The following FRMD3 variants were observed in gnomAD, a reference collection of about 807,000 sequenced individuals.
The protein encoded by FRMD3 is FERM domain containing 3.
Under a neutral mutation model 70.2 loss-of-function variants are expected in FRMD3, and 33 were observed. That is an observed-to-expected ratio of 0.47 (90% CI 0.36 to 0.63). The LOEUF is 0.63. Ranked by LOEUF, FRMD3 falls within the 20% of genes least tolerant of loss-of-function variation. The probability of loss-of-function intolerance (pLI) is 0.00; values close to 1 mark genes in which losing one functional copy is unlikely to be tolerated. For synonymous variants in FRMD3, 279 were observed against 255.9 expected (o/e 1.09, Z -0.86); for missense variants, 632 against 711.4 (o/e 0.89, Z 1.27).
At chr9:83,487,919 C>T (rs1828723401) in intron 1 of FRMD3, among the ~76,000 whole-genome samples, 1 of 152,170 alleles carries the variant, frequency 6.6e-6, no homozygotes, top group African/African-American at 2.4e-5. Context: ...CATAAGTTAA[C>T]TGTTCATCAC....
downstream of FRMD3, chr9:83,243,333 AG>A (rs2118423205): frequency 9.7e-7 from 1 of 1,032,744 alleles, no homozygotes. Context: ...AGTGGCCCAG[AG>A]GGACTCAAGC....
intron 6 of FRMD3, among the ~76,000 whole-genome samples, chr9:83,323,235 G>A (rs187991059): frequency 2.0e-5 from 3 of 152,280 alleles, no homozygotes; most frequent in Admixed American, 2.0e-4. Flanking sequence ...AATTTTCATA[G>A]TAGTGTTATT....
intron 6 of FRMD3, among the ~76,000 whole-genome samples, chr9:83,333,629 C>T (rs749629188): frequency 2.6e-5 from 4 of 152,186 alleles, no homozygotes; most frequent in African/African-American, 7.2e-5. Context: ...AGGTCCTTCC[C>T]GTTTCTTGTC....
chr9:83,411,021 A>C (rs1826263961), intron 1 of FRMD3, among the ~76,000 whole-genome samples: 1 of 152,190 alleles, frequency 6.6e-6, no homozygotes, highest in Admixed American at 6.5e-5. Context: ...TCTGAATGAC[A>C]GAGTTCCTTC....
At chr9:83,355,314 C>T (rs1824301045) in intron 3 of FRMD3, among the ~76,000 whole-genome samples, 1 of 152,206 alleles carries the variant, frequency 6.6e-6, no homozygotes, top group Non-Finnish European at 1.5e-5. Context: ...AAACCCACAG[C>T]CTGTATTGGA....
intron 1 of FRMD3, among the ~76,000 whole-genome samples, chr9:83,525,369 ATTG>A (rs1829663219): frequency 6.6e-6 from 1 of 152,188 alleles, no homozygotes; most frequent in Admixed American, 6.5e-5. Context: ...ATATTAGATT[ATTG>A]TTGTTTGAGC....
At chr9:83,321,932 C>A (rs1835817823) in intron 6 of FRMD3, among the ~76,000 whole-genome samples, 1 of 152,174 alleles carries the variant, frequency 6.6e-6, no homozygotes, top group Non-Finnish European at 1.5e-5. Flanking sequence ...TATCTCACAG[C>A]AGCCCCTAGC....
chr9:83,550,632 T>C, the FRMD3 span, among the ~76,000 whole-genome samples: 4 of 152,002 alleles, frequency 2.6e-5, no homozygotes, highest in South Asian at 6.2e-4. Context: ...GAGCAGTGTT[T>C]TGTAATTCTC....
intron 1 of FRMD3, among the ~76,000 whole-genome samples, chr9:83,453,961 T>A (rs1827743760): frequency 6.6e-6 from 1 of 152,096 alleles, no homozygotes. Flanking sequence ...GTGATCCATC[T>A]GCCTCGGCCT....
Position 83,537,520 on chromosome 9 carries a change from G to A in FRMD3, c.147+565C>T, listed in dbSNP as rs969038114. On this transcript the variant is annotated intron_variant, in intron 1 of 13. Transcript: ENST00000304195. The surrounding 1 kb of genome is among the most constrained non-coding windows in gnomAD (Gnocchi z 4.1). ...GGCAGCCCGGCCTCTCTCACTCTGGGGAAACTTCGCCACCGCCCCACGCGG... is the reference window on the plus strand; with the variant it reads ...GGCAGCCCGGCCTCTCTCACTCTGGAGAAACTTCGCCACCGCCCCACGCGG... Among the ~76,000 whole-genome samples the A allele has an allele frequency of 4.6e-5, 7 of 152,204 alleles. No individual in the cohort carries two copies. The highest frequency in any genetic ancestry group is 1.7e-4 in the African/African-American group (7 of 41,454).
intron 1 of FRMD3, among the ~76,000 whole-genome samples, chr9:83,529,002 A>G (rs1171671784): frequency 6.6e-6 from 1 of 152,260 alleles, no homozygotes; most frequent in East Asian, 1.9e-4. Context: ...AAAAATAGCT[A>G]TATTGTACAA....
chr9:83,552,345 T>A, the FRMD3 span, among the ~76,000 whole-genome samples: 3 of 152,208 alleles, frequency 2.0e-5, no homozygotes, highest in East Asian at 3.8e-4. Context: ...GTGTGTTTGG[T>A]ATAATTTTGG....
rs1824398875 is a variant in FRMD3 at position 83,357,241 on chromosome 9, ACATACATATATATATATAT to A, written c.296-7503_296-7485del. 2.0e-3 allele frequency among the ~76,000 whole-genome samples: 14 copies of A among 7,070 alleles called. 1 individual carries two copies. Among genetic ancestry groups the A allele is most frequent in the East Asian group, 6.9e-3 (2 of 290 alleles). The allele number at this position is 7,070 out of a possible 152,430, so 4.6% of individuals were successfully genotyped here. A position where few individuals can be genotyped will look rare whatever the true frequency, so the allele number is the denominator to read the frequency against. ...TATATATATTTTATATATATATAAT[ACATACATATATATATATAT>A]ATATATATATATATATATATATATA... is the stretch of plus-strand genomic sequence containing the variant. On this transcript the variant is annotated intron_variant, in intron 3 of 13. Coordinates refer to ENST00000304195, the MANE Select transcript of FRMD3 (RefSeq NM_174938.6).
intron 1 of FRMD3, among the ~76,000 whole-genome samples, chr9:83,442,347 T>G (rs1409345138): frequency 1.4e-5 from 2 of 144,938 alleles, no homozygotes; most frequent in Non-Finnish European, 3.0e-5. Context: ...AGCCTCCACC[T>G]CCTGGGTTCA....
intron 1 of FRMD3, among the ~76,000 whole-genome samples, chr9:83,507,730 A>C (rs1476764870): frequency 1.9e-4 from 23 of 118,924 alleles, no homozygotes; most frequent in African/African-American, 5.3e-4. Flanking sequence ...ATATATATAT[A>C]TATATATATC....
At position 83,349,669 on chromosome 9, in the gene FRMD3, C is replaced by CA; in HGVS notation, c.374+9dup. The CA allele has an allele frequency of 6.2e-7, 1 of 1,600,406 alleles. No individual in the cohort carries two copies. Among genetic ancestry groups the CA allele is most frequent in the Non-Finnish European group, 8.5e-7 (1 of 1,169,776 alleles). ...GGTGCACGTTAAACATACAAACAAACAAAAAATACCTTGTGAGCTCTTCTT... is the reference window on the plus strand; with the variant it reads ...GGTGCACGTTAAACATACAAACAAACAAAAAAATACCTTGTGAGCTCTTCTT... On this transcript the variant is annotated intron_variant, in intron 4 of 13. Coordinates refer to ENST00000304195, the MANE Select transcript of FRMD3 (RefSeq NM_174938.6).
At chr9:83,556,710 A>C in the FRMD3 span, among the ~76,000 whole-genome samples, 3 of 152,212 alleles carry the variant, frequency 2.0e-5, no homozygotes, top group East Asian at 3.9e-4. Context: ...AAAAATAATA[A>C]TAATAAACAT....
intron 3 of FRMD3, 79 bp downstream of exon 3, chr9:83,372,834 G>T: frequency 7.9e-7 from 1 of 1,264,466 alleles, no homozygotes; most frequent in Non-Finnish European, 1.2e-6. Flanking sequence ...TATTCCCCTG[G>T]CAGGAGAAAG....
chr9:83,378,892 AATAT>A (rs1197611866), intron 2 of FRMD3, among the ~76,000 whole-genome samples: 1 of 140,724 alleles, frequency 7.1e-6, no homozygotes. Context: ...ATTTTATATA[AATAT>A]ATATATATTT....
Sources: gnomAD v4.1 joint callset for allele counts (sites outside exome capture counted in the v4.1 genomes callset) on GRCh38, gnomAD v4.1.1 for gene constraint, Gnocchi (gnomAD v3.1) non-coding constraint, MANE v1.5 for transcripts, NCBI Gene and HGNC (gene_info 2026-07-23, HGNC 2026-07-21) for gene names.